SORBS2: variants seen among roughly 807,000 people sequenced by gnomAD.
SORBS2 encodes the protein sorbin and SH3 domain containing 2.
A neutral mutation model predicts 97.7 loss-of-function variants in SORBS2; 46 were observed. The ratio of observed to expected loss-of-function variants is 0.47; its 90% CI spans 0.37 to 0.60. The LOEUF is 0.60. Among genes scored for constraint, SORBS2 ranks in the 20% least tolerant of loss-of-function variants. SORBS2 has a pLI of 0.00. For missense variants in SORBS2, 1,316 were observed against 1,282.3 expected, an observed-to-expected ratio of 1.03 and a Z score of -0.40; for synonymous variants, 476 against 473.4, an observed-to-expected ratio of 1.01 and a Z score of -0.07.
chr4:185,920,528 C>T (rs1434651094), intron 1 of SORBS2, among the ~76,000 whole-genome samples: 1 of 152,198 alleles, frequency 6.6e-6, no homozygotes, highest in Non-Finnish European at 1.5e-5. Flanking sequence ...CCTAAAAGTG[C>T]TTCAGTGACT....
intron 2 of SORBS2, among the ~76,000 whole-genome samples, chr4:185,764,597 T>G (rs1377634218): frequency 6.6e-6 from 1 of 152,198 alleles, no homozygotes; most frequent in Admixed American, 6.5e-5. Flanking sequence ...TCAGAAAATT[T>G]GGGCTGCTTT....
At chr4:185,753,282 C>T (rs1173647690) in intron 2 of SORBS2, among the ~76,000 whole-genome samples, 1 of 152,162 alleles carries the variant, frequency 6.6e-6, no homozygotes, top group Non-Finnish European at 1.5e-5. Context: ...TTCCTTAAGT[C>T]ATTTAATAAT....
intron 2 of SORBS2, among the ~76,000 whole-genome samples, chr4:185,765,636 AC>A (rs2098930292): frequency 6.6e-6 from 1 of 152,232 alleles, no homozygotes; most frequent in Admixed American, 6.5e-5. Flanking sequence ...AGACAAAAAA[AC>A]ACGTGTGTGC....
chr4:185,953,867 G>C (rs1410391206), intron 1 of SORBS2, among the ~76,000 whole-genome samples: 1 of 152,238 alleles, frequency 6.6e-6, no homozygotes, highest in Non-Finnish European at 1.5e-5. Context: ...TGTGGGCAGG[G>C]AGTAGGCGCA....
In SORBS2 at chr4:185,587,875, G is replaced by A. The variant is rs921529686; in HGVS notation, c.2954-187C>T. The A allele has an allele frequency of 5.7e-6, 3 of 530,838 alleles. No individual in the cohort carries two copies. The East Asian group carries it at 9.7e-5, about 17-fold the overall frequency. The allele number at this position is 530,838 out of a possible 1,614,324, so 32.9% of individuals were successfully genotyped here. A position where few individuals can be genotyped will look rare whatever the true frequency, so the allele number is the denominator to read the frequency against. ...AAGCAGTGTTAGCTGGTTGCCTGAC[G>A]CTCTCACTGCCCCTCCGGCATAAAT... is the stretch of plus-strand genomic sequence containing the variant. On this transcript the variant is annotated intron_variant, in intron 14 of 14. Transcript: ENST00000418609.
chr4:185,726,927 C>T (rs2098557783), intron 2 of SORBS2, among the ~76,000 whole-genome samples: 1 of 152,060 alleles, frequency 6.6e-6, no homozygotes, highest in East Asian at 1.9e-4. Context: ...CTGGAAGGAA[C>T]ATAGGGTCCT....
At chr4:185,718,314 CATT>C (rs371309505) in intron 2 of SORBS2, among the ~76,000 whole-genome samples, 9 of 152,054 alleles carry the variant, frequency 5.9e-5, no homozygotes, top group African/African-American at 1.2e-4. Context: ...CTATCATTTT[CATT>C]ATTATTATTA....
chr4:185,615,214 G>C, intron 9 of SORBS2, 55 bp from the exon 22 acceptor site: 1 of 1,015,802 alleles, frequency 9.8e-7, no homozygotes, highest in South Asian at 1.3e-5. Context: ...TAATTCTCAA[G>C]ATCAACACCC....
At chr4:185,877,867 C>CAAAAAAAAAAAAAAAAAAAA (rs1491116547) in intron 1 of SORBS2, among the ~76,000 whole-genome samples, 9 of 50,420 alleles carry the variant, frequency 1.8e-4, no homozygotes, top group African/African-American at 2.2e-4. Flanking sequence ...GAGACTCTGT[C>CAAAAAAAAAAAAAAAAAAAA]AAAAAACAAA....
At chr4:185,808,748 T>G (rs2099167052) in intron 1 of SORBS2, among the ~76,000 whole-genome samples, 1 of 152,198 alleles carries the variant, frequency 6.6e-6, no homozygotes, top group African/African-American at 2.4e-5. Flanking sequence ...GTTCACGACC[T>G]TTACTTTCTT....
Position 185,946,120 on chromosome 4 carries a change from T to C in SORBS2, c.-338+10076A>G, listed in dbSNP as rs577727083. The stretch of plus-strand genomic sequence containing the variant: ...TTGATAGGTGTGATGATTGGGTTTC[T>C]ATGCATGTGTGTGACATGTGTCTCC... On this transcript the variant is annotated intron_variant, in intron 1 of 20. Coordinates refer to the SORBS2 transcript ENST00000284776. 1.4e-4 allele frequency among the ~76,000 whole-genome samples: 20 copies of C among 147,862 alleles called. No homozygotes were observed. The South Asian group carries it at 3.8e-3, about 28-fold the overall frequency.
At chr4:185,629,591 C>A (rs76646409) in intron 5 of SORBS2, among the ~76,000 whole-genome samples, 11,060 of 126,250 alleles carry the variant, frequency 0.088, 462 homozygotes, top group Middle Eastern at 0.16. Context: ...TAGACTGAGT[C>A]TTGCTGTGTT....
intron 2 of SORBS2, among the ~76,000 whole-genome samples, chr4:185,742,895 C>T (rs2098736067): frequency 2.0e-5 from 3 of 152,158 alleles, no homozygotes. Context: ...AGACTGTCTG[C>T]ACTCTATCTG....
At position 185,735,503 on chromosome 4, in the gene SORBS2, C is replaced by G. The variant is rs115665007; in HGVS notation, c.-198+39724G>C. ...GGAAAAAAGGGCAAACACACACACA[C>G]TCACACACACAAACAAACACACACA... On this transcript the variant is annotated intron_variant, in intron 2 of 20. Coordinates refer to the SORBS2 transcript ENST00000284776. Among the ~76,000 whole-genome samples, 375 of 150,940 alleles carry G rather than the reference C, an allele frequency of 2.5e-3. 4 individuals carry two copies. The highest frequency in any genetic ancestry group is 5.5e-3 in the Admixed American group (84 of 15,184).
At chr4:185,610,727 G>A (rs1444685908) in intron 12 of SORBS2, among the ~76,000 whole-genome samples, 1 of 152,040 alleles carries the variant, frequency 6.6e-6, no homozygotes, top group African/African-American at 2.4e-5. Context: ...TCACACTTTA[G>A]TAACATCTGA....
At chr4:185,893,359 T>C (rs1245707508) in intron 1 of SORBS2, among the ~76,000 whole-genome samples, 1 of 152,222 alleles carries the variant, frequency 6.6e-6, no homozygotes, top group Non-Finnish European at 1.5e-5. Context: ...ACTGCCGCGC[T>C]GGAGCAAAGG....
intron 1 of SORBS2, among the ~76,000 whole-genome samples, chr4:185,947,105 T>C (rs2099274902): frequency 6.6e-6 from 1 of 152,230 alleles, no homozygotes; most frequent in African/African-American, 2.4e-5. Flanking sequence ...GGCCCTGGCA[T>C]TTATAGCTTT....
intron 1 of SORBS2, among the ~76,000 whole-genome samples, chr4:185,853,796 G>T (rs73019823): frequency 3.4e-3 from 514 of 152,302 alleles, no homozygotes; most frequent in African/African-American, 0.012. Context: ...AACCTGGAAT[G>T]AGTTTTGAGG....
chr4:185,905,456 TG>T (rs2099250244), intron 1 of SORBS2, among the ~76,000 whole-genome samples: 1 of 152,186 alleles, frequency 6.6e-6, no homozygotes, highest in Non-Finnish European at 1.5e-5. Flanking sequence ...CTCTGAAAAA[TG>T]ACTCTCACTT....
Sources: allele counts gnomAD v4.1 joint callset (sites outside exome capture counted in the v4.1 genomes callset), GRCh38; gene constraint gnomAD v4.1.1; transcripts MANE v1.5; gene names NCBI Gene and HGNC (gene_info 2026-07-23, HGNC 2026-07-21).